COL14A1: variants seen among roughly 807,000 people sequenced by gnomAD.
COL14A1 encodes the protein collagen alpha-1(XIV) chain.
A neutral mutation model predicts 230.3 loss-of-function variants in COL14A1; 136 were observed. The ratio of observed to expected loss-of-function variants is 0.59; its 90% CI spans 0.51 to 0.68. The LOEUF (loss-of-function observed/expected upper bound fraction) is 0.68, where lower values mean the gene tolerates loss of function less well. Ranked by LOEUF, COL14A1 falls within the 30% of genes least tolerant of loss-of-function variation. The pLI, the probability that COL14A1 is intolerant of heterozygous loss-of-function variation, is 0.00. For synonymous variants in COL14A1, 792 were observed against 784.1 expected (o/e 1.01, Z -0.17); for missense variants, 1,976 against 2,215.8 (o/e 0.89, Z 2.17).
chr8:120,346,230 C>T (rs1822504467), intron 45 of COL14A1, among the ~76,000 whole-genome samples: 2 of 104,140 alleles, frequency 1.9e-5, no homozygotes, highest in African/African-American at 5.9e-5. Context: ...CCTTTTCTTC[C>T]ACATCTACAG....
In COL14A1 at chr8:120,212,430, A is replaced by G. The variant is rs374720015; in HGVS notation, c.1468-18A>G. Reference sequence around the variant, plus strand: ...AATATGTATTGGCAAATGATCTAACAACATGTGTTCTTTTCAGATGAAAAT... The same window carrying G: ...AATATGTATTGGCAAATGATCTAACGACATGTGTTCTTTTCAGATGAAAAT... On this transcript the variant is annotated intron_variant, in intron 12 of 47. Transcript: ENST00000297848. The G allele has an allele frequency of 5.9e-5, 95 of 1,611,884 alleles. No homozygotes were observed. Among genetic ancestry groups the G allele is most frequent in the Non-Finnish European group, 7.7e-5 (91 of 1,178,672 alleles).
intron 25 of COL14A1, among the ~76,000 whole-genome samples, chr8:120,268,373 A>G (rs1200371553): frequency 6.6e-6 from 1 of 151,700 alleles, no homozygotes; most frequent in Non-Finnish European, 1.5e-5. Context: ...GGCACTTCTG[A>G]TGCAGATATT....
At chr8:120,315,227 G>A (rs1198196911) in intron 38 of COL14A1, among the ~76,000 whole-genome samples, 1 of 151,964 alleles carries the variant, frequency 6.6e-6, no homozygotes, top group African/African-American at 2.4e-5. Context: ...AAAATTAGCT[G>A]GGTGTGGTGG....
chr8:120,133,681 C>T (rs1254147696), intron 1 of COL14A1, among the ~76,000 whole-genome samples: 1 of 152,084 alleles, frequency 6.6e-6, no homozygotes, highest in Non-Finnish European at 1.5e-5. Context: ...GTCTGTCTAG[C>T]CATGTGTCTT....
intron 40 of COL14A1, among the ~76,000 whole-genome samples, chr8:120,328,343 C>T (rs1441017946): frequency 1.3e-5 from 2 of 152,066 alleles, no homozygotes; most frequent in Non-Finnish European, 2.9e-5. Flanking sequence ...AAGCAATCCT[C>T]CAGAGTAGCT....
At position 120,196,949 on chromosome 8, in the gene COL14A1, A is replaced by T. The variant is rs1181781826; in HGVS notation, c.592+3A>T. 1 of 1,613,358 alleles carries T rather than the reference A, an allele frequency of 6.2e-7. No homozygotes were observed. Among genetic ancestry groups the T allele is most frequent in the Non-Finnish European group, 8.5e-7 (1 of 1,179,722 alleles). On this transcript the variant is annotated splice_donor_region_variant and intron_variant, in intron 6 of 47. Transcript: ENST00000297848. ...GGGCTCAGAGAAGACACGAATTGGT[A>T]TAATTTCTATTATTAGCAGTAGCAG... is the stretch of plus-strand genomic sequence containing the variant.
chr8:120,276,625 T>G (rs1819859306), intron 26 of COL14A1, among the ~76,000 whole-genome samples: 1 of 151,848 alleles, frequency 6.6e-6, no homozygotes, highest in African/African-American at 2.4e-5. Flanking sequence ...CTCAGAATGC[T>G]GGTTTCCAGT....
chr8:120,182,970 G>A (rs1201482317), intron 5 of COL14A1, among the ~76,000 whole-genome samples: 2 of 151,902 alleles, frequency 1.3e-5, no homozygotes, highest in Non-Finnish European at 2.9e-5. Flanking sequence ...CAGGTGATCC[G>A]CCTGACTCAG....
In COL14A1 at chr8:120,203,824, C is replaced by G; in HGVS notation, c.993C>G (p.Thr331=). Residue 331 remains threonine, a synonymous_variant, in exon 9 of 48, where the codon ACC becomes ACG. Transcript: ENST00000297848. The stretch of plus-strand genomic sequence containing the variant: ...TGCACACAGTTGTGGAGAGTCTGAC[C>G]AGGACTCTCTGCTCTAGAGTGGAAG... ...DLMHTVVESL[T]RTLCSRVEEQ... is the part of the protein sequence containing the mutation. 1.9e-6 allele frequency: 3 copies of G among 1,613,774 alleles called. No individual in the cohort carries two copies. Among genetic ancestry groups the G allele is most frequent in the Non-Finnish European group, 2.5e-6 (3 of 1,179,814 alleles).
At chr8:120,369,737 G>T (rs1367767534) in intron 47 of COL14A1, among the ~76,000 whole-genome samples, 3 of 152,178 alleles carry the variant, frequency 2.0e-5, no homozygotes, top group Non-Finnish European at 4.4e-5. Context: ...TTGCTTCCCA[G>T]TGATGACCTA....
intron 1 of COL14A1, among the ~76,000 whole-genome samples, chr8:120,134,954 G>A (rs180816709): frequency 1.3e-5 from 2 of 152,238 alleles, no homozygotes; most frequent in Admixed American, 1.3e-4. Context: ...CAGCCTGGGT[G>A]ACAGAGTAAG....
rs1283897041 is a variant in COL14A1 at position 120,136,906 on chromosome 8, G to A, written c.-37-10900G>A. ...CTTGAACCCGGTAGGAGGTTGCAGT[G>A]AGCCAAGATTGCGCCACTGCACTCC... On this transcript the variant is annotated intron_variant, in intron 1 of 47. Coordinates refer to ENST00000297848, the MANE Select transcript of COL14A1 (RefSeq NM_021110.4). 4.3e-5 allele frequency among the ~76,000 whole-genome samples: 6 copies of A among 141,014 alleles called. No homozygotes were observed. In the South Asian group the frequency reaches 1.4e-3, roughly 33 times the overall value. The allele number at this position is 141,014 out of a possible 152,430, so 92.5% of individuals were successfully genotyped here. A position where few individuals can be genotyped will look rare whatever the true frequency, so the allele number is the denominator to read the frequency against.
chr8:120,190,698 A>G (rs369840313), intron 5 of COL14A1, among the ~76,000 whole-genome samples: 1 of 152,130 alleles, frequency 6.6e-6, no homozygotes, highest in Admixed American at 6.5e-5. Flanking sequence ...TTGGTAAGCT[A>G]TTGATTATTG....
At chr8:120,225,019 G>T in intron 14 of COL14A1, 69 bp from the exon 15 acceptor site, 20 of 1,460,780 alleles carry the variant, frequency 1.4e-5, no homozygotes, top group Non-Finnish European at 1.9e-5. Context: ...GCGAGCTACA[G>T]ACAATAATAA....
At position 120,309,959 on chromosome 8, in the gene COL14A1, C is replaced by A. The variant is rs994190183; in HGVS notation, c.4402-50C>A. 7.7e-6 allele frequency: 12 copies of A among 1,559,456 alleles called. No homozygotes were observed. In the African/African-American group the frequency reaches 1.5e-4, roughly 19 times the overall value. On this transcript the variant is annotated intron_variant, in intron 36 of 47. Coordinates refer to ENST00000297848, the MANE Select transcript of COL14A1 (RefSeq NM_021110.4). ...ACTATTAAGGAAAATGAATGAAATA[C>A]ACTGTTTTGAGATTTGTCTTTGAGC...
intron 5 of COL14A1, among the ~76,000 whole-genome samples, chr8:120,185,182 A>C (rs1482664179): frequency 6.6e-6 from 1 of 152,198 alleles, no homozygotes; most frequent in South Asian, 2.1e-4. Context: ...ACTCAGATTA[A>C]TGTAAATTCC....
intron 47 of COL14A1, 50 bp downstream of exon 47, chr8:120,369,535 A>G: frequency 6.8e-7 from 1 of 1,469,392 alleles, no homozygotes; most frequent in Non-Finnish European, 9.1e-7. Flanking sequence ...ATGTTTTAGT[A>G]TGCTTAGTAC....
chr8:120,262,300 G>A (rs946490875), intron 23 of COL14A1, among the ~76,000 whole-genome samples: 32 of 151,920 alleles, frequency 2.1e-4, no homozygotes, highest in African/African-American at 7.2e-4. Context: ...TGGTGAAACT[G>A]CATCTCTATT....
At chr8:120,224,411 G>T (rs369799246) in intron 14 of COL14A1, among the ~76,000 whole-genome samples, 1 of 152,084 alleles carries the variant, frequency 6.6e-6, no homozygotes, top group Admixed American at 6.6e-5. Context: ...AGAGTACTGC[G>T]GGGGATCATT....
Sources: gnomAD v4.1 joint callset for allele counts (sites outside exome capture counted in the v4.1 genomes callset) on GRCh38, gnomAD v4.1.1 for gene constraint, MANE v1.5 for transcripts, NCBI Gene and HGNC (gene_info 2026-07-23, HGNC 2026-07-21) for gene names.